The following EFNA5 variants were observed in gnomAD, a reference collection of about 807,000 sequenced individuals.
EFNA5 encodes ephrin-A5.
In EFNA5, 5 loss-of-function variants were observed where a neutral mutation model predicts 22.9. The observed-to-expected ratio is 0.22, with a 90% CI of 0.11 to 0.46. EFNA5 has a LOEUF of 0.46. Ranked by LOEUF, EFNA5 falls within the 20% of genes least tolerant of loss-of-function variation. The pLI is 0.99. For synonymous variants in EFNA5, 113 were observed against 112.2 expected, an observed-to-expected ratio of 1.01 and a Z score of -0.04; for missense variants, 237 against 293.3, an observed-to-expected ratio of 0.81 and a Z score of 1.40.
Position 107,476,058 on chromosome 5 carries a change from T to TATATGTATATATATATATA in EFNA5, c.126-48550_126-48549insTATATATATATATACATAT. Among the ~76,000 whole-genome samples, 6 of 41,114 alleles carry TATATGTATATATATATATA rather than the reference T, an allele frequency of 1.5e-4. No homozygotes were observed. The East Asian group carries it at 3.5e-3, about 24-fold the overall frequency. The allele number at this position is 41,114 out of a possible 152,430, so 27.0% of individuals were successfully genotyped here. On this transcript the variant is annotated intron_variant, in intron 1 of 4. Coordinates refer to ENST00000333274, the MANE Select transcript of EFNA5 (RefSeq NM_001962.3). The stretch of plus-strand genomic sequence containing the variant: ...GAGAGTTTTTAAACTATATATATAT[T>TATATGTATATATATATATA]TTTTTTTTTTGAGACAGAGTCTTGC...
At chr5:107,577,783 C>T (rs607976) in intron 1 of EFNA5, among the ~76,000 whole-genome samples, 72,627 of 152,008 alleles carry the variant, frequency 0.48, 18,418 homozygotes, top group African/African-American at 0.62. Flanking sequence ...TTAGCCACTT[C>T]TTTGCTTAAA....
intron 1 of EFNA5, among the ~76,000 whole-genome samples, chr5:107,544,990 A>G (rs543571465): frequency 6.6e-6 from 1 of 152,248 alleles, no homozygotes; most frequent in South Asian, 2.1e-4. Context: ...CTTGAGGCTG[A>G]TTTGAAGCCA....
chr5:107,431,979 C>A (rs1275780654), intron 1 of EFNA5, among the ~76,000 whole-genome samples: 3 of 152,208 alleles, frequency 2.0e-5, no homozygotes, highest in Non-Finnish European at 4.4e-5. Flanking sequence ...GAAGCATATT[C>A]TTGTCCTCCT....
rs541695249 is a variant in EFNA5 at position 107,459,545 on chromosome 5, A to G, written c.126-32036T>C. ...TGAAGTCACTTGGCTAACATTGCCAAGTTCATTAACGGCAAAGCTCAGAGT... is the reference window on the plus strand; with the variant it reads ...TGAAGTCACTTGGCTAACATTGCCAGGTTCATTAACGGCAAAGCTCAGAGT... On this transcript the variant is annotated intron_variant, in intron 1 of 4. Transcript: ENST00000333274. Among the ~76,000 whole-genome samples the G allele has an allele frequency of 1.3e-3, 204 of 152,260 alleles. 1 individual carries two copies. Among genetic ancestry groups the G allele is most frequent in the African/African-American group, 4.0e-3 (167 of 41,558 alleles).
intron 1 of EFNA5, among the ~76,000 whole-genome samples, chr5:107,649,558 G>C (rs1750688559): frequency 1.3e-5 from 2 of 152,038 alleles, no homozygotes; most frequent in South Asian, 4.2e-4. Flanking sequence ...CTTTCTCACT[G>C]AATCAACACA....
At chr5:107,535,774 T>C (rs996654188) in intron 1 of EFNA5, among the ~76,000 whole-genome samples, 2 of 152,218 alleles carry the variant, frequency 1.3e-5, no homozygotes, top group African/African-American at 4.8e-5. Flanking sequence ...TAATTTTAAT[T>C]AATGTTAGTC....
At chr5:107,593,531 G>T (rs186886168) in intron 1 of EFNA5, among the ~76,000 whole-genome samples, 59 of 152,226 alleles carry the variant, frequency 3.9e-4, no homozygotes, top group African/African-American at 1.3e-3. Context: ...GAGCAGAGGG[G>T]CTCCACGCTG....
At chr5:107,443,836 C>T (rs1231672374) in intron 1 of EFNA5, among the ~76,000 whole-genome samples, 1 of 152,090 alleles carries the variant, frequency 6.6e-6, no homozygotes, top group East Asian at 1.9e-4. Context: ...ATGTAACAAA[C>T]CTGCACGTTC....
At chr5:107,524,106 A>T (rs1454653176) in intron 1 of EFNA5, among the ~76,000 whole-genome samples, 1 of 152,226 alleles carries the variant, frequency 6.6e-6, no homozygotes, top group Non-Finnish European at 1.5e-5. Flanking sequence ...CCAAAATGAT[A>T]CTATTTAACC....
At chr5:107,392,017 C>T (rs1318719627) in intron 2 of EFNA5, among the ~76,000 whole-genome samples, 1 of 152,160 alleles carries the variant, frequency 6.6e-6, no homozygotes, top group South Asian at 2.1e-4. Flanking sequence ...TAGAAAATGA[C>T]GATATTCAGT....
Position 107,377,156 on chromosome 5 carries a change from G to A in EFNA5, c.*4099C>T, listed in dbSNP as rs1311715792. The A allele has an allele frequency of 6.6e-6, 1 of 152,232 alleles. No individual in the cohort carries two copies. Among genetic ancestry groups the A allele is most frequent in the African/African-American group, 2.4e-5 (1 of 41,438 alleles). 9.4% of individuals were successfully genotyped at this position (152,232 alleles called of 1,614,324 possible). A position where few individuals can be genotyped will look rare whatever the true frequency, so the allele number is the denominator to read the frequency against. The stretch of plus-strand genomic sequence containing the variant: ...ACACAATGAGTGGCTTCAATGGGGT[G>A]TCAAGAGTAAGCATGGAGAGCGGAT... On this transcript the variant is annotated 3_prime_UTR_variant, in exon 5 of 5. Transcript: ENST00000333274.
intron 1 of EFNA5, among the ~76,000 whole-genome samples, chr5:107,638,485 C>A (rs1750433289): frequency 1.3e-5 from 2 of 152,128 alleles, no homozygotes; most frequent in East Asian, 1.9e-4. Flanking sequence ...CCTACTGCAA[C>A]CACAAATTCA....
chr5:107,665,576 T>G (rs1306946694), intron 1 of EFNA5, among the ~76,000 whole-genome samples: 1 of 152,248 alleles, frequency 6.6e-6, no homozygotes, highest in Non-Finnish European at 1.5e-5. Context: ...ACTAGTAGTT[T>G]ACTGACCTTG....
chr5:107,661,279 T>C (rs913010433), intron 1 of EFNA5, among the ~76,000 whole-genome samples: 2 of 152,296 alleles, frequency 1.3e-5, no homozygotes, highest in South Asian at 2.1e-4. Context: ...ATAGCGACTA[T>C]ATGGACAGAG....
chr5:107,440,512 C>T (rs979719463), intron 1 of EFNA5, among the ~76,000 whole-genome samples: 1 of 152,146 alleles, frequency 6.6e-6, no homozygotes, highest in Non-Finnish European at 1.5e-5. Context: ...GTTTCTGAGG[C>T]AAGGTTAATG....
chr5:107,418,230 T>A (rs1456712488), intron 2 of EFNA5, among the ~76,000 whole-genome samples: 1 of 152,196 alleles, frequency 6.6e-6, no homozygotes, highest in Admixed American at 6.5e-5. Context: ...AACACTGTTA[T>A]TCCAAGTGTC....
intron 1 of EFNA5, among the ~76,000 whole-genome samples, chr5:107,660,577 T>C (rs1350437347): frequency 1.3e-5 from 2 of 151,734 alleles, no homozygotes; most frequent in African/African-American, 4.8e-5. Context: ...AGGTAAAGAG[T>C]ACAAAGATTT....
chr5:107,643,606 C>G (rs895687629), intron 1 of EFNA5, among the ~76,000 whole-genome samples: 1 of 151,432 alleles, frequency 6.6e-6, no homozygotes, highest in Non-Finnish European at 1.5e-5. Context: ...ATTAAAACCC[C>G]GAAGGGAAGT....
At chr5:107,651,210 A>T (rs1209850045) in intron 1 of EFNA5, among the ~76,000 whole-genome samples, 1 of 152,168 alleles carries the variant, frequency 6.6e-6, no homozygotes, top group Non-Finnish European at 1.5e-5. Context: ...AGTATAAAGT[A>T]TGTAAAAATC....
Sources: gnomAD v4.1 joint callset for allele counts (sites outside exome capture counted in the v4.1 genomes callset) on GRCh38, gnomAD v4.1.1 for gene constraint, MANE v1.5 for transcripts, NCBI Gene and HGNC (gene_info 2026-07-23, HGNC 2026-07-21) for gene names.